The following ZFHX3 variants were observed in gnomAD, a reference collection of about 807,000 sequenced individuals.
ZFHX3 encodes the protein zinc finger homeobox protein 3.
A neutral mutation model predicts 279.1 loss-of-function variants in ZFHX3; 42 were observed. That is an observed-to-expected ratio of 0.15 (90% confidence interval 0.12 to 0.19). The LOEUF is 0.19. Ranked by LOEUF, ZFHX3 falls within the 10% of genes least tolerant of loss-of-function variation. ZFHX3 has a pLI of 1.00. For missense variants in ZFHX3, 4,981 were observed against 4,754.0 expected (o/e 1.05, Z -1.40); for synonymous variants, 2,293 against 1,957.8 (o/e 1.17, Z -4.52).
At chr16:73,082,270 T>A (rs1246562448) in intron 8 of ZFHX3, among the ~76,000 whole-genome samples, 3 of 152,008 alleles carry the variant, frequency 2.0e-5, no homozygotes, top group African/African-American at 4.8e-5. Flanking sequence ...TGAATGAATT[T>A]TTTTTTCTCT....
At chr16:73,127,704 C>G (rs1044729996) in intron 7 of ZFHX3, 9 of 1,042,258 alleles carry the variant, frequency 8.6e-6, no homozygotes, top group Non-Finnish European at 1.0e-5. Flanking sequence ...GAACCTCACT[C>G]AGTAAGGGCT....
chr16:73,868,252 G>T (rs577758158), intron 1 of ZFHX3, among the ~76,000 whole-genome samples: 2 of 152,344 alleles, frequency 1.3e-5, no homozygotes, highest in East Asian at 3.9e-4. Flanking sequence ...GCCAAGTGGG[G>T]TGGCTCACGC....
intron 1 of ZFHX3, among the ~76,000 whole-genome samples, chr16:73,041,296 C>T (rs1965102288): frequency 6.6e-6 from 1 of 152,084 alleles, no homozygotes; most frequent in Non-Finnish European, 1.5e-5. Context: ...AATATATTGA[C>T]AGTCCTTTCC....
At chr16:73,691,315 A>G (rs1440553257) in intron 1 of ZFHX3, among the ~76,000 whole-genome samples, 2 of 152,186 alleles carry the variant, frequency 1.3e-5, no homozygotes, top group Non-Finnish European at 2.9e-5. Context: ...AAAGCTTAAG[A>G]TTTGGCAAAA....
chr16:72,800,933 A>G (rs1198639446), intron 7 of ZFHX3, among the ~76,000 whole-genome samples: 1 of 152,212 alleles, frequency 6.6e-6, no homozygotes, highest in Non-Finnish European at 1.5e-5. Flanking sequence ...GGATCCAAAC[A>G]GCTGCAACTT....
intron 4 of ZFHX3, among the ~76,000 whole-genome samples, chr16:72,856,809 G>A (rs1040806173): frequency 3.3e-5 from 5 of 152,178 alleles, no homozygotes; most frequent in Non-Finnish European, 7.4e-5. Flanking sequence ...AACAGCCTGG[G>A]CCATCTCCAC....
intron 5 of ZFHX3, among the ~76,000 whole-genome samples, chr16:73,194,112 G>C (rs1220871134): frequency 2.0e-5 from 3 of 152,128 alleles, no homozygotes; most frequent in Non-Finnish European, 4.4e-5. Context: ...TATATCTTCA[G>C]GGTGTTCCAA....
rs187732505 is a variant in ZFHX3, at chr16:73,577,552, C to T, written c.-1547+102628G>A. Among the ~76,000 whole-genome samples, 151 of 152,216 alleles carry T rather than the reference C, an allele frequency of 9.9e-4. 1 individual carries two copies. The highest frequency in any genetic ancestry group is 1.6e-3 in the Non-Finnish European group (110 of 68,020). ...TTCTTATGTTTTAATTAATCACTTC[C>T]GCTCACCTGCCTGTCCCTCAGACCC... On this transcript the variant is annotated intron_variant, in intron 2 of 17. Transcript: ENST00000641206.
intron 1 of ZFHX3, among the ~76,000 whole-genome samples, chr16:73,020,003 A>G (rs1417340425): frequency 6.6e-6 from 1 of 152,116 alleles, no homozygotes; most frequent in Non-Finnish European, 1.5e-5. Flanking sequence ...CATGGGAACT[A>G]TCACCATTCG....
At chr16:73,328,419 C>G (rs1009184700) in intron 3 of ZFHX3, among the ~76,000 whole-genome samples, 1 of 152,176 alleles carries the variant, frequency 6.6e-6, no homozygotes, top group Middle Eastern at 3.2e-3. Flanking sequence ...TAGTAGCCAT[C>G]ATTTTTGAGA....
At chr16:73,870,268 C>T (rs779931503) in intron 1 of ZFHX3, among the ~76,000 whole-genome samples, 1 of 152,164 alleles carries the variant, frequency 6.6e-6, no homozygotes, top group Admixed American at 6.5e-5. Flanking sequence ...GGGCATTAGA[C>T]AAGCCATCCA....
At chr16:73,419,104 G>A (rs570017177) in intron 3 of ZFHX3, among the ~76,000 whole-genome samples, 1 of 152,232 alleles carries the variant, frequency 6.6e-6, no homozygotes, top group Non-Finnish European at 1.5e-5. Context: ...GTTGGGGAGT[G>A]CAAACCTTGT....
intron 5 of ZFHX3, among the ~76,000 whole-genome samples, chr16:73,246,021 C>A (rs1567429006): frequency 6.6e-6 from 1 of 152,042 alleles, no homozygotes; most frequent in Non-Finnish European, 1.5e-5. Flanking sequence ...AGAGGCCATT[C>A]CCCTGTTTCC....
At chr16:73,306,964 G>A (rs549866100) in intron 4 of ZFHX3, among the ~76,000 whole-genome samples, 1 of 152,214 alleles carries the variant, frequency 6.6e-6, no homozygotes. Context: ...GTTACCAATG[G>A]TGGGCTGGTA....
intron 1 of ZFHX3, among the ~76,000 whole-genome samples, chr16:72,984,049 A>G (rs1245581835): frequency 6.6e-6 from 1 of 152,124 alleles, no homozygotes; most frequent in South Asian, 2.1e-4. Context: ...TGGGAATCTC[A>G]TACACCTGCA....
chr16:73,276,065 T>G lies in ZFHX3; in HGVS notation c.-1193-18929A>C, dbSNP rs143739638. On this transcript the variant is annotated intron_variant, in intron 4 of 17. Coordinates refer to the ZFHX3 transcript ENST00000641206. ...GCCCCATTTTTAAAACTCTTATCAT[T>G]TTTCCTACACAACAAATTGTGTAAT... Among the ~76,000 whole-genome samples, 744 of 152,194 alleles carry G rather than the reference T, an allele frequency of 4.9e-3. 8 individuals carry two copies. The highest frequency in any genetic ancestry group is 0.017 in the African/African-American group (711 of 41,494).
chr16:73,201,951 A>G (rs2011624807), intron 5 of ZFHX3, among the ~76,000 whole-genome samples: 1 of 152,188 alleles, frequency 6.6e-6, no homozygotes, highest in South Asian at 2.1e-4. Context: ...AGTGTTTCTC[A>G]GGAATTTAAC....
chr16:73,659,681 T>C (rs1332793725), intron 2 of ZFHX3, among the ~76,000 whole-genome samples: 1 of 152,108 alleles, frequency 6.6e-6, no homozygotes, highest in Non-Finnish European at 1.5e-5. Flanking sequence ...GCAAAGTCTA[T>C]CCTCCATTTG....
intron 2 of ZFHX3, among the ~76,000 whole-genome samples, chr16:73,655,904 A>G (rs780265823): frequency 6.6e-6 from 1 of 152,246 alleles, no homozygotes; most frequent in Non-Finnish European, 1.5e-5. Context: ...CATTTGCGCC[A>G]AAATACTTAT....
Sources: allele counts gnomAD v4.1 joint callset (sites outside exome capture counted in the v4.1 genomes callset), GRCh38; gene constraint gnomAD v4.1.1; transcripts MANE v1.5; gene names NCBI Gene and HGNC (gene_info 2026-07-23, HGNC 2026-07-21).